The following CDH23 variants were observed in gnomAD, a reference collection of about 807,000 sequenced individuals.
The protein encoded by CDH23 is cadherin-23.
A neutral mutation model predicts 317.1 loss-of-function variants in CDH23; 189 were observed. The observed-to-expected ratio is 0.60, with a 90% CI of 0.53 to 0.67. The LOEUF is 0.67. CDH23 is among the 30% of genes least tolerant of loss of function. The pLI, the probability that CDH23 is intolerant of heterozygous loss-of-function variation, is 0.00. For synonymous variants in CDH23, 1,839 were observed against 1,876.8 expected (o/e 0.98, Z 0.52); for missense variants, 4,401 against 4,592.4 (o/e 0.96, Z 1.20).
rs1050190116 is a variant in CDH23 at position 71,682,534 on chromosome 10, C to T, written c.1948C>T (p.Pro650Ser). ...TVMAMDAGNP[P>S]LNSTVPVTIE... ...CATGGCCATGGATGCTGGCAACCCCCCTCTCAACAGCACCGTCCCTGTCAC... is the reference window on the plus strand; with the variant it reads ...CATGGCCATGGATGCTGGCAACCCCTCTCTCAACAGCACCGTCCCTGTCAC... The change falls in exon 18 of 70, where the codon CCT becomes TCT. Residue 650 changes from proline to serine, a missense_variant. Physicochemically the swap from Pro to Ser is moderately conservative, Grantham distance 74. This residue lies in a region of CDH23 where 3,068 missense variants were observed against 3,203.3 expected (regional missense o/e 0.96). Transcript: ENST00000224721. 1.9e-6 allele frequency: 3 copies of T among 1,613,600 alleles called. No individual in the cohort carries two copies. The highest frequency in any genetic ancestry group is 1.3e-5 in the African/African-American group (1 of 74,900).
intron 9 of CDH23, among the ~76,000 whole-genome samples, chr10:71,585,676 A>G (rs1407874540): frequency 6.6e-6 from 1 of 152,198 alleles, no homozygotes; most frequent in African/African-American, 2.4e-5. Context: ...AGCCACAGAA[A>G]AGTCTGCACT....
At chr10:71,654,078 C>T (rs1303610904) in intron 14 of CDH23, among the ~76,000 whole-genome samples, 4 of 152,186 alleles carry the variant, frequency 2.6e-5, no homozygotes, top group Middle Eastern at 3.2e-3. Context: ...CCTCAAGGAA[C>T]AGAACACAGA....
chr10:71,577,155 G>A (rs769960165), intron 8 of CDH23, among the ~76,000 whole-genome samples: 8 of 152,066 alleles, frequency 5.3e-5, no homozygotes, highest in Non-Finnish European at 1.2e-4. Flanking sequence ...CCTAATATGC[G>A]TATAGCAGCT....
chr10:71,760,183 A>ATATATATGTATATACATATATATGTGTG (rs1840320777), intron 38 of CDH23, among the ~76,000 whole-genome samples: 2 of 53,982 alleles, frequency 3.7e-5, no homozygotes, highest in Admixed American at 1.8e-4. Flanking sequence ...ATATGTGTGT[A>ATATATATGTATATACATATATATGTGTG]TATATATGTA....
At chr10:71,781,980 C>T (rs932858972) in intron 41 of CDH23, among the ~76,000 whole-genome samples, 2 of 152,204 alleles carry the variant, frequency 1.3e-5, no homozygotes, top group Non-Finnish European at 2.9e-5. Context: ...CAGCCAGCAC[C>T]GCTGTCTGGA....
chr10:71,576,505 T>TG (rs1254777306), intron 8 of CDH23, among the ~76,000 whole-genome samples: 1 of 145,952 alleles, frequency 6.9e-6, no homozygotes. Flanking sequence ...GTGAAGGGGG[T>TG]GGGGGTGCAG....
rs895919920 is a variant in CDH23 at position 71,397,219 on chromosome 10, C to T, written c.-105C>T. ...CCTTCGCGCCGGCGGGAAGACGCGG[C>T]GGTGGCCAGGGCCAGAGCAGGCGGC... On this transcript the variant is annotated 5_prime_UTR_variant, in exon 1 of 70. Transcript: ENST00000224721. The surrounding 1 kb of genome is among the most constrained non-coding windows in gnomAD (Gnocchi z 4.8). 1.7e-5 allele frequency: 4 copies of T among 241,970 alleles called. No individual in the cohort carries two copies. Among genetic ancestry groups the T allele is most frequent in the Non-Finnish European group, 2.5e-5 (3 of 120,676 alleles). The allele number at this position is 241,970 out of a possible 1,614,324, so 15.0% of individuals were successfully genotyped here.
intron 38 of CDH23, chr10:71,752,014 C>G: frequency 1.1e-6 from 1 of 885,582 alleles, no homozygotes; most frequent in Non-Finnish European, 1.8e-6. Context: ...AGGAGCCAGG[C>G]CCACAGAGCA....
intron 38 of CDH23, chr10:71,761,821 G>A (rs3747866): frequency 0.09 from 144,873 of 1,613,980 alleles, 13,706 homozygotes; most frequent in African/African-American, 0.49. Flanking sequence ...GCAGGTGAAG[G>A]TCCTGGAACG....
chr10:71,501,788 G>C (rs1333151101), intron 3 of CDH23, among the ~76,000 whole-genome samples: 1 of 152,260 alleles, frequency 6.6e-6, no homozygotes, highest in Non-Finnish European at 1.5e-5. Flanking sequence ...CCATCCCAGG[G>C]AGAGTGGGAG....
chr10:71,791,172 G>A lies in CDH23; in HGVS notation c.6090G>A (p.Glu2030=). The part of the protein sequence containing the change: ...TVRSGVIIDR[E]AFSPPILELL... Reference sequence around the variant, plus strand: ...GGTCAGGTGTCATCATTGACCGGGAGGCATTCTCGCCACCCATCCTGGAGC... The same window carrying A: ...GGTCAGGTGTCATCATTGACCGGGAAGCATTCTCGCCACCCATCCTGGAGC... The change falls in exon 47 of 70, where the codon GAG becomes GAA. Residue 2030 remains glutamate, a synonymous_variant. Coordinates refer to ENST00000224721, the MANE Select transcript of CDH23 (RefSeq NM_022124.6). The A allele has an allele frequency of 2.5e-6, 4 of 1,612,806 alleles. No homozygotes were observed. The highest frequency in any genetic ancestry group is 1.3e-5 in the African/African-American group (1 of 75,032).
intron 6 of CDH23, among the ~76,000 whole-genome samples, chr10:71,513,174 T>C (rs1422209605): frequency 6.6e-6 from 1 of 152,182 alleles, no homozygotes; most frequent in East Asian, 1.9e-4. Flanking sequence ...TGTGTAAACA[T>C]CCCTGGTTGC....
At chr10:71,696,197 G>A (rs752509026) in intron 22 of CDH23, among the ~76,000 whole-genome samples, 17 of 152,182 alleles carry the variant, frequency 1.1e-4, no homozygotes, top group Admixed American at 5.2e-4. Context: ...TGCTCTGCTG[G>A]GAGGTCCACA....
rs542462518 is a variant in CDH23, at chr10:71,711,140, T to C, written c.3221-1525T>C. On this transcript the variant is annotated intron_variant, in intron 27 of 69. Transcript: ENST00000224721. ...TGCTCTCCTCCCCTCCTGGAATGGC[T>C]GCCCACCCTCTGGAGACTTGTTATC... 1.1e-4 allele frequency among the ~76,000 whole-genome samples: 16 copies of C among 152,210 alleles called. No homozygotes were observed. In the East Asian group the frequency reaches 3.1e-3, roughly 29 times the overall value.
chr10:71,657,967 CT>C (rs1310167751), intron 14 of CDH23, among the ~76,000 whole-genome samples: 1 of 152,212 alleles, frequency 6.6e-6, no homozygotes, highest in Non-Finnish European at 1.5e-5. Context: ...CATTCCAGCC[CT>C]GCCCCCAGGC....
chr10:71,419,217 C>G (rs78982454), intron 1 of CDH23, among the ~76,000 whole-genome samples: 2,270 of 152,236 alleles, frequency 0.015, 66 homozygotes, highest in African/African-American at 0.051. Flanking sequence ...CTTGCAATAC[C>G]TTTCTTCTCC....
chr10:71,755,321 G>A (rs778224665), intron 38 of CDH23: 23 of 1,562,744 alleles, frequency 1.5e-5, no homozygotes, highest in Admixed American at 1.8e-5. Context: ...CAGGTCACTC[G>A]CACCGTCCAC....
intron 9 of CDH23, among the ~76,000 whole-genome samples, chr10:71,613,688 A>G (rs1473537451): frequency 6.6e-6 from 1 of 152,210 alleles, no homozygotes; most frequent in Non-Finnish European, 1.5e-5. Flanking sequence ...CTTTTTCCCT[A>G]GTTAATCCAA....
At chr10:71,421,327 C>T (rs1351976874) in intron 1 of CDH23, among the ~76,000 whole-genome samples, 13 of 152,238 alleles carry the variant, frequency 8.5e-5, no homozygotes, top group Non-Finnish European at 1.5e-4. Context: ...GCCCCCTGCC[C>T]TTGCGCCCCA....
Sources: allele counts gnomAD v4.1 joint callset (sites outside exome capture counted in the v4.1 genomes callset), GRCh38; gene constraint gnomAD v4.1.1; regional missense constraint gnomAD v4.1.1; non-coding constraint Gnocchi (gnomAD v3.1); transcripts MANE v1.5; gene names NCBI Gene and HGNC (gene_info 2026-07-23, HGNC 2026-07-21).